EIF3B: variants seen among roughly 807,000 people sequenced by gnomAD.
EIF3B encodes eukaryotic translation initiation factor 3 subunit 9.
A neutral mutation model predicts 104.6 loss-of-function variants in EIF3B; 10 were observed. The ratio of observed to expected loss-of-function variants is 0.10; its 90% CI spans 0.06 to 0.16. The LOEUF is 0.16. Ranked by LOEUF, EIF3B falls within the 10% of genes least tolerant of loss-of-function variation. The pLI is 1.00. For synonymous variants in EIF3B, 542 were observed against 417.2 expected (o/e 1.30, Z -3.65); for missense variants, 1,014 against 1,087.9 (o/e 0.93, Z 0.96).
At chr7:2,375,325 C>G in intron 13 of EIF3B, 64 bp from the exon 14 acceptor site, 1 of 1,603,374 alleles carries the variant, frequency 6.2e-7, no homozygotes, top group Middle Eastern at 1.7e-4. Context: ...CAGCACCTCT[C>G]AGGAGTGGGA....
At chr7:2,364,556 G>T (rs888599140) in intron 6 of EIF3B, 27 bp downstream of exon 6, 11 of 1,597,254 alleles carry the variant, frequency 6.9e-6, no homozygotes, top group African/African-American at 1.3e-5. Flanking sequence ...ACACAGGGGA[G>T]TCTATGCATT....
At chr7:2,358,428 C>T (rs1779568141) in intron 1 of EIF3B, among the ~76,000 whole-genome samples, 1 of 151,940 alleles carries the variant, frequency 6.6e-6, no homozygotes, top group Admixed American at 6.6e-5. Context: ...CGGAGTCTTG[C>T]TCTGTCGCTG....
At chr7:2,361,860 T>C (rs536638085) in intron 2 of EIF3B, among the ~76,000 whole-genome samples, 1 of 152,230 alleles carries the variant, frequency 6.6e-6, no homozygotes, top group African/African-American at 2.4e-5. Context: ...CACTGCAACC[T>C]CCGCCTCCCG....
intron 8 of EIF3B, 181 bp downstream of exon 8, chr7:2,366,772 C>A: frequency 2.5e-6 from 2 of 813,258 alleles, no homozygotes; most frequent in Non-Finnish European, 3.9e-6. Context: ...TCACTCCTGC[C>A]CACCTGGCGC....
At chr7:2,376,409 G>A (rs1319098632) in intron 14 of EIF3B, 1 of 151,812 alleles carries the variant, frequency 6.6e-6, no homozygotes, top group Non-Finnish European at 1.5e-5. Flanking sequence ...CTTCCAAAAT[G>A]CCGGCCTGCA....
At chr7:2,374,775 A>T in intron 13 of EIF3B, 169 bp downstream of exon 13, 1 of 581,358 alleles carries the variant, frequency 1.7e-6, no homozygotes, top group East Asian at 2.8e-5. Flanking sequence ...GACCCACGGT[A>T]CTCCAGGACT....
At chr7:2,356,205 T>C (rs910349863) in intron 1 of EIF3B, among the ~76,000 whole-genome samples, 1 of 152,170 alleles carries the variant, frequency 6.6e-6, no homozygotes, top group African/African-American at 2.4e-5. Flanking sequence ...TTGGCTAAGT[T>C]GATACTAGAG....
At chr7:2,371,034 G>A (rs1340524551) in intron 10 of EIF3B, among the ~76,000 whole-genome samples, 3 of 152,212 alleles carry the variant, frequency 2.0e-5, no homozygotes, top group Admixed American at 6.5e-5. Context: ...CTGCACTCCA[G>A]CCTGGGCAAC....
At position 2,375,395 on chromosome 7, in the gene EIF3B, C is replaced by T. The variant is rs761164324; in HGVS notation, c.1896C>T (p.Asn632=). ...GTCCTGTCTGTCTTTGCAGTATGAA[C>T]GGTGCCTTAGCGTTTGTGGACACTT... ...FVVLAGLRSM[N]GALAFVDTSD... The change falls in exon 14 of 19, where the codon AAC becomes AAT. Residue 632 remains asparagine, a synonymous_variant. Transcript: ENST00000360876. 1.7e-5 allele frequency: 27 copies of T among 1,614,074 alleles called. No individual in the cohort carries two copies. Among genetic ancestry groups the T allele is most frequent in the African/African-American group, 5.3e-5 (4 of 74,926 alleles).
chr7:2,367,277 G>A (rs1279645608), intron 9 of EIF3B, among the ~76,000 whole-genome samples: 1 of 151,900 alleles, frequency 6.6e-6, no homozygotes, highest in Non-Finnish European at 1.5e-5. Flanking sequence ...CTGGAGGAAG[G>A]CCTCCGTGGC....
At chr7:2,379,611 A>G in intron 18 of EIF3B, 100 bp downstream of exon 18, 1 of 775,038 alleles carries the variant, frequency 1.3e-6, no homozygotes, top group South Asian at 1.6e-5. Flanking sequence ...GGCAGGGGTG[A>G]AGGGTGAAGC....
At chr7:2,372,337 C>T (rs959302307) in intron 11 of EIF3B, 11 of 263,956 alleles carry the variant, frequency 4.2e-5, no homozygotes, top group African/African-American at 1.8e-4. Context: ...GCAGGGAGAC[C>T]GGAGGTCAGG....
At chr7:2,357,025 C>G (rs1031521237) in intron 1 of EIF3B, among the ~76,000 whole-genome samples, 16 of 152,272 alleles carry the variant, frequency 1.1e-4, no homozygotes, top group Admixed American at 5.9e-4. Flanking sequence ...CCACCAGACT[C>G]TCCTGCTCAG....
chr7:2,360,730 A>G lies in EIF3B; in HGVS notation c.520A>G (p.Lys174Glu). 6.3e-7 allele frequency: 1 copy of G among 1,591,070 alleles called. No individual in the cohort carries two copies. Residue 174 changes from lysine (K) to glutamate (E), a missense_variant, in exon 2 of 19, where the codon AAA becomes GAA. Coordinates refer to ENST00000360876, the MANE Select transcript of EIF3B (RefSeq NM_001037283.2). ...SEEELLGDVLKDRPQEADGID... is the reference protein window; with the variant it reads ...SEEELLGDVLEDRPQEADGID... Reference sequence around the variant, plus strand: ...TTCAGAATTACTGGGAGATGTACTCAAAGATCGGCCCCAGGAAGCAGATGG... The same window carrying G: ...TTCAGAATTACTGGGAGATGTACTCGAAGATCGGCCCCAGGAAGCAGATGG...
chr7:2,375,639 G>A, intron 14 of EIF3B, 112 bp downstream of exon 14: 1 of 1,486,500 alleles, frequency 6.7e-7, no homozygotes, highest in Non-Finnish European at 9.2e-7. Flanking sequence ...AAGCCTCTGT[G>A]TTGAACAGAA....
intron 1 of EIF3B, among the ~76,000 whole-genome samples, chr7:2,358,246 G>T (rs1248113200): frequency 6.6e-6 from 1 of 152,104 alleles, no homozygotes; most frequent in Non-Finnish European, 1.5e-5. Flanking sequence ...ACCATGCCTG[G>T]CTACTTTTTG....
At chr7:2,362,977 GGCAGGAGCACAGCAGGGCCAT>G in intron 3 of EIF3B, 72 bp from the exon 4 acceptor site, 1 of 1,520,992 alleles carries the variant, frequency 6.6e-7, no homozygotes, top group Non-Finnish European at 9.1e-7. Flanking sequence ...GGGGCGGGCA[GGCAGGAGCACAGCAGGGCCAT>G]GCTGGAGCCC....
intron 11 of EIF3B, chr7:2,372,292 A>G (rs1780394310): frequency 4.2e-6 from 1 of 235,492 alleles, no homozygotes; most frequent in South Asian, 8.4e-5. Context: ...GGTTAAAAAT[A>G]GGTGAGAAAA....
chr7:2,358,693 A>G (rs1433180075), intron 1 of EIF3B, among the ~76,000 whole-genome samples: 1 of 150,452 alleles, frequency 6.6e-6, no homozygotes, highest in Non-Finnish European at 1.5e-5. Flanking sequence ...TGCTTGGATC[A>G]TTTTTCTCGT....
Sources: allele counts gnomAD v4.1 joint callset (sites outside exome capture counted in the v4.1 genomes callset), GRCh38; gene constraint gnomAD v4.1.1; transcripts MANE v1.5; gene names NCBI Gene and HGNC (gene_info 2026-07-23, HGNC 2026-07-21).